The following NDUFAF7 variants were observed in gnomAD, a reference collection of about 807,000 sequenced individuals.
NDUFAF7 encodes NADH:ubiquinone oxidoreductase complex assembly factor 7, also known as protein arginine methyltransferase NDUFAF7, mitochondrial.
NDUFAF7 carries 48 observed loss-of-function variants against 47.2 expected under a neutral mutation model. The ratio of observed to expected loss-of-function variants is 1.02; its 90% CI spans 0.81 to 1.29. NDUFAF7 has a LOEUF of 1.29. Among genes scored for constraint, NDUFAF7 ranks in the 50% most tolerant of loss-of-function variants. NDUFAF7 has a pLI of 0.00. For synonymous variants in NDUFAF7, 217 were observed against 190.0 expected (o/e 1.14, Z -1.17); for missense variants, 635 against 537.6 (o/e 1.18, Z -1.79).
chr2:37,266,724 G>A, the NDUFAF7 span, among the ~76,000 whole-genome samples: 21 of 152,230 alleles, frequency 1.4e-4, no homozygotes, highest in African/African-American at 4.6e-4. Flanking sequence ...CTAACCTCAG[G>A]TGATCCACCC....
downstream of NDUFAF7, chr2:37,253,011 C>T: frequency 5.2e-6 from 3 of 576,970 alleles, no homozygotes; most frequent in Non-Finnish European, 8.0e-6. Flanking sequence ...TTCAGTTTCC[C>T]GCCTGTACCT....
intron 3 of NDUFAF7, 56 bp from the exon 4 acceptor site, chr2:37,237,701 T>C: frequency 7.7e-7 from 1 of 1,294,568 alleles, no homozygotes; most frequent in South Asian, 1.3e-5. Flanking sequence ...TATATTGTGG[T>C]ATACTTTTAT....
the NDUFAF7 span, chr2:37,267,663 C>T: frequency 2.8e-6 from 2 of 716,294 alleles, no homozygotes; most frequent in Non-Finnish European, 4.7e-6. Context: ...TGTTCTTTCT[C>T]CACACTCCTT....
the NDUFAF7 span, among the ~76,000 whole-genome samples, chr2:37,261,638 G>T: frequency 1.3e-5 from 2 of 151,784 alleles, no homozygotes; most frequent in African/African-American, 4.9e-5. Context: ...AAATTAGCCG[G>T]GTGTGGTGGC....
At chr2:37,240,507 T>C (rs1186743582) in intron 4 of NDUFAF7, among the ~76,000 whole-genome samples, 1 of 151,830 alleles carries the variant, frequency 6.6e-6, no homozygotes, top group East Asian at 1.9e-4. Context: ...TTAAAAAATA[T>C]ATAAAATATA....
intron 1 of NDUFAF7, 80 bp downstream of exon 1, chr2:37,231,840 C>T (rs985956575): frequency 6.2e-7 from 1 of 1,601,080 alleles, no homozygotes; most frequent in African/African-American, 1.3e-5. Context: ...TTGAGGGTAC[C>T]GGGGGATCAA....
chr2:37,239,621 G>T (rs983465862), intron 4 of NDUFAF7, among the ~76,000 whole-genome samples: 1 of 152,170 alleles, frequency 6.6e-6, no homozygotes, highest in Admixed American at 6.5e-5. Context: ...GGGGGTAAAT[G>T]AATCAGTTAA....
Position 37,241,800 on chromosome 2 carries a change from C to T in NDUFAF7, c.622+9C>T, listed in dbSNP as rs754880644. ...GCACGATGTTCCAAAAGGTAATTACCTTTATGTGGATTAATGAAAGAATTT... is the reference window on the plus strand; with the variant it reads ...GCACGATGTTCCAAAAGGTAATTACTTTTATGTGGATTAATGAAAGAATTT... On this transcript the variant is annotated intron_variant, in intron 5 of 9. Transcript: ENST00000002125. 255 of 1,610,110 alleles carry T rather than the reference C, an allele frequency of 1.6e-4. No individual in the cohort carries two copies. Among genetic ancestry groups the T allele is most frequent in the Non-Finnish European group, 2.1e-4 (249 of 1,178,306 alleles).
the NDUFAF7 span, among the ~76,000 whole-genome samples, chr2:37,270,826 C>G: frequency 5.9e-5 from 9 of 152,210 alleles, no homozygotes; most frequent in Admixed American, 1.3e-4. Context: ...ATAATAACTG[C>G]TAGGAAAGTG....
chr2:37,259,054 A>G, the NDUFAF7 span, among the ~76,000 whole-genome samples: 240 of 43,444 alleles, frequency 5.5e-3, no homozygotes, highest in Non-Finnish European at 0.011. Context: ...AACACTTGGA[A>G]AAAAAAAAAA....
chr2:37,250,782 AT>A (rs1485570128), downstream of NDUFAF7: 1 of 152,480 alleles, frequency 6.6e-6, no homozygotes, highest in Admixed American at 6.6e-5. Context: ...CCAAAAAAAT[AT>A]TAAAAATGTA....
chr2:37,242,771 C>A, intron 6 of NDUFAF7, 78 bp downstream of exon 6: 1 of 1,163,248 alleles, frequency 8.6e-7, no homozygotes, highest in Non-Finnish European at 1.3e-6. Context: ...GGTATTTATT[C>A]AGTATACAAA....
rs976712497 is a variant in NDUFAF7, at chr2:37,248,554, A to C, written c.*204A>C. 1 of 588,164 alleles carries C rather than the reference A, an allele frequency of 1.7e-6. No individual in the cohort carries two copies. Among genetic ancestry groups the C allele is most frequent in the Non-Finnish European group, 3.0e-6 (1 of 331,480 alleles). 36.4% of individuals were successfully genotyped at this position (588,164 alleles called of 1,614,324 possible). A position where few individuals can be genotyped will look rare whatever the true frequency, so the allele number is the denominator to read the frequency against. On this transcript the variant is annotated 3_prime_UTR_variant, in exon 10 of 10. Transcript: ENST00000002125. The stretch of plus-strand genomic sequence containing the variant: ...GTGCAAATGTGTGCTCAAGCTAATA[A>C]GTTATTGTGAAACTGAGTTTCCTTT...
chr2:37,258,450 C>CCATG, the NDUFAF7 span, among the ~76,000 whole-genome samples: 1 of 152,130 alleles, frequency 6.6e-6, no homozygotes, highest in Non-Finnish European at 1.5e-5. Context: ...AGAAGTGGAG[C>CCATG]CATGGCTAAC....
At chr2:37,256,004 C>T (rs543933840), downstream of NDUFAF7, among the ~76,000 whole-genome samples, 9 of 151,944 alleles carry the variant, frequency 5.9e-5, no homozygotes, top group South Asian at 4.2e-4. Context: ...AGGGAGACCC[C>T]GTCTCAATAA....
the NDUFAF7 span, among the ~76,000 whole-genome samples, chr2:37,262,098 G>C: frequency 1.1e-3 from 163 of 152,190 alleles, 1 homozygote; most frequent in African/African-American, 3.7e-3. Flanking sequence ...ACTTAAGATG[G>C]GTTTATGGAG....
chr2:37,236,099 T>G lies in NDUFAF7; in HGVS notation c.220T>G (p.Tyr74Asp). 1.9e-6 allele frequency: 3 copies of G among 1,611,824 alleles called. No individual in the cohort carries two copies. Among genetic ancestry groups the G allele is most frequent in the Non-Finnish European group, 1.7e-6 (2 of 1,178,000 alleles). The stretch of plus-strand genomic sequence containing the variant: ...TCTATTTTCTCTTTTTACTCAGGGT[T>G]ATTATGTGTACCGTGACATGCTAGG... ...KEVLTNPAKG[Y>D]YVYRDMLGEK... The change falls in exon 3 of 10, where the codon TAT (tyrosine) becomes GAT (aspartate). Residue 74 changes from tyrosine (Y) to aspartate (D), a missense_variant. By Grantham distance (160) the Tyr-to-Asp change is radical. Coordinates refer to ENST00000002125, the MANE Select transcript of NDUFAF7 (RefSeq NM_144736.5).
At chr2:37,265,974 G>A in the NDUFAF7 span, among the ~76,000 whole-genome samples, 1 of 152,096 alleles carries the variant, frequency 6.6e-6, no homozygotes, top group Non-Finnish European at 1.5e-5. Flanking sequence ...AATTTTTATT[G>A]TTTCGCTTAC....
chr2:37,252,801 C>T (rs551440814), downstream of NDUFAF7: 7 of 148,988 alleles, frequency 4.7e-5, no homozygotes, highest in African/African-American at 1.7e-4. Context: ...TGGATGCTAG[C>T]TTGACTTGTT....
Sources: gnomAD v4.1 joint callset for allele counts (sites outside exome capture counted in the v4.1 genomes callset) on GRCh38, gnomAD v4.1.1 for gene constraint, MANE v1.5 for transcripts, NCBI Gene and HGNC (gene_info 2026-07-23, HGNC 2026-07-21) for gene names.